Variants in TRPM3 observed in about 807,000 individuals in gnomAD.
TRPM3 encodes the protein transient receptor potential cation channel subfamily M member 3.
A neutral mutation model predicts 181.2 loss-of-function variants in TRPM3; 77 were observed. The ratio of observed to expected loss-of-function variants is 0.42; its 90% CI spans 0.35 to 0.51. The LOEUF is 0.51. Among genes scored for constraint, TRPM3 ranks in the 20% least tolerant of loss-of-function variants. The pLI is 0.01. For synonymous variants in TRPM3, 745 were observed against 796.4 expected (o/e 0.94, Z 1.09); for missense variants, 1,759 against 2,196.7 (o/e 0.80, Z 3.98).
intron 1 of TRPM3, among the ~76,000 whole-genome samples, chr9:71,132,899 A>G (rs534616611): frequency 4.6e-5 from 7 of 152,312 alleles, no homozygotes; most frequent in African/African-American, 1.7e-4. Context: ...ATGGAAGATA[A>G]TCAGCTCACT....
At chr9:71,286,914 T>A (rs2085317557) in intron 1 of TRPM3, among the ~76,000 whole-genome samples, 1 of 145,962 alleles carries the variant, frequency 6.9e-6, no homozygotes, top group African/African-American at 2.5e-5. Context: ...AAGCATTCTT[T>A]GACCACGATA....
At chr9:70,956,646 G>T (rs928150727) in intron 1 of TRPM3, among the ~76,000 whole-genome samples, 1 of 152,154 alleles carries the variant, frequency 6.6e-6, no homozygotes, top group African/African-American at 2.4e-5. Flanking sequence ...CATTCTGGGA[G>T]GCCAGGGTGG....
Position 70,853,714 on chromosome 9 carries a change from T to C in TRPM3, c.463-7123A>G, listed in dbSNP as rs74748278. Among the ~76,000 whole-genome samples, 784 of 152,316 alleles carry C rather than the reference T, an allele frequency of 5.1e-3. 3 individuals carry two copies. The highest frequency in any genetic ancestry group is 0.017 in the African/African-American group (723 of 41,570). On this transcript the variant is annotated intron_variant, in intron 3 of 25. Coordinates refer to ENST00000677713, the MANE Select transcript of TRPM3 (RefSeq NM_001366145.2). ...GAACACACCTAATTATCTAGAATCATGCAAGTAGCACAAACAACGGGTGGC... is the reference window on the plus strand; with the variant it reads ...GAACACACCTAATTATCTAGAATCACGCAAGTAGCACAAACAACGGGTGGC...
At chr9:71,374,452 T>A (rs1312702675) in intron 1 of TRPM3, among the ~76,000 whole-genome samples, 1 of 151,988 alleles carries the variant, frequency 6.6e-6, no homozygotes, top group Non-Finnish European at 1.5e-5. Flanking sequence ...TACCTCAAAG[T>A]AAGAAGAAGC....
chr9:70,790,031 C>G (rs2084975511), intron 6 of TRPM3, among the ~76,000 whole-genome samples: 1 of 152,194 alleles, frequency 6.6e-6, no homozygotes, highest in African/African-American at 2.4e-5. Context: ...AATTAACTCT[C>G]TCTGCTGATA....
chr9:71,352,453 T>G (rs2091695492), intron 1 of TRPM3, among the ~76,000 whole-genome samples: 1 of 152,194 alleles, frequency 6.6e-6, no homozygotes, highest in Non-Finnish European at 1.5e-5. Context: ...ATTCTCTGTT[T>G]ATGTTCTTTT....
chr9:70,837,327 C>T (rs988130094), intron 5 of TRPM3, among the ~76,000 whole-genome samples: 32 of 152,124 alleles, frequency 2.1e-4, no homozygotes, highest in Non-Finnish European at 4.6e-4. Context: ...ATCAAAAGAG[C>T]ACTTTCCAAT....
intron 1 of TRPM3, among the ~76,000 whole-genome samples, chr9:71,101,136 T>C (rs2068290689): frequency 6.6e-6 from 1 of 152,170 alleles, no homozygotes; most frequent in Non-Finnish European, 1.5e-5. Context: ...TGCCTCTACT[T>C]CTGACTAACT....
chr9:71,283,968 G>T (rs111336573), intron 1 of TRPM3, among the ~76,000 whole-genome samples: 5 of 152,172 alleles, frequency 3.3e-5, no homozygotes, highest in African/African-American at 9.7e-5. Context: ...GGTTTCCTCA[G>T]GGAATTCTGA....
At chr9:70,540,537 C>T (rs1030973056) in intron 25 of TRPM3, among the ~76,000 whole-genome samples, 3 of 152,072 alleles carry the variant, frequency 2.0e-5, no homozygotes, top group East Asian at 1.9e-4. Flanking sequence ...ACCAAAAACA[C>T]GTAACAGAAG....
intron 18 of TRPM3, among the ~76,000 whole-genome samples, chr9:70,614,509 A>G (rs2062473449): frequency 6.6e-6 from 1 of 152,100 alleles, no homozygotes; most frequent in Non-Finnish European, 1.5e-5. Context: ...AAATAAATAA[A>G]TAAATAAAAT....
intron 1 of TRPM3, among the ~76,000 whole-genome samples, chr9:71,039,775 G>A (rs528997687): frequency 1.1e-4 from 16 of 152,084 alleles, no homozygotes; most frequent in African/African-American, 3.6e-4. Context: ...TACCTCACAG[G>A]GTGACTTTGG....
At chr9:70,844,794 C>T (rs1201800880) in intron 4 of TRPM3, among the ~76,000 whole-genome samples, 1 of 152,110 alleles carries the variant, frequency 6.6e-6, no homozygotes, top group South Asian at 2.1e-4. Context: ...AAATAATAAA[C>T]AATATTCCAA....
At chr9:71,326,366 T>C (rs1357192784) in intron 1 of TRPM3, among the ~76,000 whole-genome samples, 1 of 152,212 alleles carries the variant, frequency 6.6e-6, no homozygotes, top group Non-Finnish European at 1.5e-5. Flanking sequence ...AGGTGAGCAA[T>C]ACTTATCAGG....
At chr9:71,310,765 C>T (rs2087850723) in intron 1 of TRPM3, among the ~76,000 whole-genome samples, 1 of 152,084 alleles carries the variant, frequency 6.6e-6, no homozygotes, top group Non-Finnish European at 1.5e-5. Context: ...CATGCTCTGG[C>T]TTCAAGCATA....
chr9:70,840,455 G>A (rs1470703341), intron 5 of TRPM3, among the ~76,000 whole-genome samples: 1 of 152,160 alleles, frequency 6.6e-6, no homozygotes, highest in Non-Finnish European at 1.5e-5. Flanking sequence ...AGACCCTCGG[G>A]AACAGGGATG....
At chr9:71,087,270 T>G (rs2065433615) in intron 1 of TRPM3, among the ~76,000 whole-genome samples, 1 of 152,042 alleles carries the variant, frequency 6.6e-6, no homozygotes, top group South Asian at 2.1e-4. Context: ...GTCCAAGTTG[T>G]GATTTCCTCT....
chr9:70,536,146 C>T lies in TRPM3; in HGVS notation c.4967G>A (p.Ser1656Asn). 1 of 1,614,200 alleles carries T rather than the reference C, an allele frequency of 6.2e-7. No individual in the cohort carries two copies. Among genetic ancestry groups the T allele is most frequent in the Non-Finnish European group, 8.5e-7 (1 of 1,180,028 alleles). The stretch of plus-strand genomic sequence containing the variant: ...CTTCCTGGTGTGTGCATATGGCGCA[C>T]TTGGCTCCTCTGCCGAGTAGCTGTT... Reference protein sequence around the residue: ...RANSYSAEEPSAPYAHTRKSF... With the variant: ...RANSYSAEEPNAPYAHTRKSF... The change falls in exon 26 of 26, where the codon AGT (serine) becomes AAT (asparagine). Residue 1656 changes from serine (S) to asparagine (N), a missense_variant. This residue lies in a region of TRPM3 where 612 missense variants were observed against 590.0 expected (regional missense o/e 1.04). Coordinates refer to ENST00000677713, the MANE Select transcript of TRPM3 (RefSeq NM_001366145.2).
intron 3 of TRPM3, among the ~76,000 whole-genome samples, chr9:70,861,321 G>T (rs2132364854): frequency 1.3e-5 from 2 of 152,250 alleles, no homozygotes; most frequent in South Asian, 4.2e-4. Flanking sequence ...CAGCATCATG[G>T]TCATCAGAGT....
Sources: gnomAD v4.1 joint callset for allele counts (sites outside exome capture counted in the v4.1 genomes callset) on GRCh38, gnomAD v4.1.1 for gene constraint, gnomAD v4.1.1 regional missense constraint, MANE v1.5 for transcripts, NCBI Gene and HGNC (gene_info 2026-07-23, HGNC 2026-07-21) for gene names.